Variants in ZRANB3 observed in about 807,000 individuals in gnomAD.
The protein encoded by ZRANB3 is zinc finger RANBP2-type containing 3.
In ZRANB3, 125 loss-of-function variants were observed where a neutral mutation model predicts 133.8. The ratio of observed to expected loss-of-function variants is 0.93; its 90% confidence interval spans 0.81 to 1.08. ZRANB3 has a LOEUF of 1.08. Among genes scored for constraint, ZRANB3 ranks in the 50% least tolerant of loss-of-function variants. ZRANB3 has a pLI of 0.00. For synonymous variants in ZRANB3, 387 were observed against 432.7 expected, an observed-to-expected ratio of 0.89 and a Z score of 1.31; for missense variants, 1,229 against 1,275.5, an observed-to-expected ratio of 0.96 and a Z score of 0.56.
chr2:135,485,434 T>C (rs775567628), intron 2 of ZRANB3, among the ~76,000 whole-genome samples: 1 of 152,214 alleles, frequency 6.6e-6, no homozygotes, highest in Non-Finnish European at 1.5e-5. Context: ...TAGCCATCTT[T>C]CTTTTGATTC....
chr2:135,312,173 TTTTATTTTATTTTATTTTTA>T (rs1683022416), intron 8 of ZRANB3, among the ~76,000 whole-genome samples: 1 of 142,810 alleles, frequency 7.0e-6, no homozygotes, highest in East Asian at 2.0e-4. Flanking sequence ...TTTTATTTTA[TTTTATTTTATTTTATTTTTA>T]TTTTATTTTA....
chr2:135,475,116 T>G (rs1684369029), intron 2 of ZRANB3, among the ~76,000 whole-genome samples: 1 of 152,246 alleles, frequency 6.6e-6, no homozygotes. Context: ...TGTTGATGCC[T>G]AACAATGGGA....
chr2:135,451,577 CAAAAAAAA>C (rs141448099), intron 2 of ZRANB3, among the ~76,000 whole-genome samples: 1 of 143,814 alleles, frequency 7.0e-6, no homozygotes, highest in Admixed American at 6.9e-5. Context: ...AACAAAAAAA[CAAAAAAAA>C]AACAAACCAC....
intron 8 of ZRANB3, among the ~76,000 whole-genome samples, chr2:135,284,592 C>G (rs890476909): frequency 6.6e-6 from 1 of 152,196 alleles, no homozygotes; most frequent in Non-Finnish European, 1.5e-5. Flanking sequence ...CTGCCTCAGC[C>G]TCCTGAGTAG....
chr2:135,313,653 G>C (rs1382372139), intron 7 of ZRANB3, 48 bp from the exon 8 acceptor site: 1 of 1,227,548 alleles, frequency 8.1e-7, no homozygotes, highest in African/African-American at 1.5e-5. Context: ...ATAACGAACA[G>C]AACAAATTAA....
In ZRANB3 at chr2:135,353,555, A is replaced by G; in HGVS notation, c.254T>C (p.Val85Ala). 1 of 1,610,584 alleles carries G rather than the reference A, an allele frequency of 6.2e-7. No individual in the cohort carries two copies. The highest frequency in any genetic ancestry group is 8.5e-7 in the Non-Finnish European group (1 of 1,177,746). ...AGGGTACCTCAGAGACGAAGGGACC[A>G]CTATTAACAGAGGCCATTCCTCTTT... ...FYKEEWPLLI[V>A]VPSSLRYPWT... The change falls in exon 4 of 21, where the codon GTG becomes GCG. Residue 85 changes from valine (V) to alanine (A), a missense_variant. By Grantham distance (64) the Val-to-Ala change is moderately conservative. Transcript: ENST00000264159.
chr2:135,473,557 A>T (rs1654783392), intron 2 of ZRANB3, among the ~76,000 whole-genome samples: 1 of 152,186 alleles, frequency 6.6e-6, no homozygotes, highest in African/African-American at 2.4e-5. Flanking sequence ...AAAAAAAAAA[A>T]AAGATGGAAA....
At chr2:135,408,524 A>G (rs1688150324) in intron 2 of ZRANB3, among the ~76,000 whole-genome samples, 2 of 152,210 alleles carry the variant, frequency 1.3e-5, no homozygotes, top group Admixed American at 6.5e-5. Context: ...ACACATGCAC[A>G]CGTATGTTTA....
intron 2 of ZRANB3, among the ~76,000 whole-genome samples, chr2:135,412,601 G>C (rs2104956185): frequency 6.6e-6 from 1 of 152,132 alleles, no homozygotes; most frequent in Non-Finnish European, 1.5e-5. Context: ...TTGATCTGCA[G>C]TTTTATGAAT....
chr2:135,507,945 G>GAAAGA (rs370365315), intron 1 of ZRANB3, among the ~76,000 whole-genome samples: 1,660 of 128,450 alleles, frequency 0.013, 16 homozygotes, highest in Middle Eastern at 0.047. Flanking sequence ...ATCAAGAAAA[G>GAAAGA]AAAGAAAAGA....
At chr2:135,510,481 G>A (rs1168060195) in intron 1 of ZRANB3, 15 of 538,400 alleles carry the variant, frequency 2.8e-5, no homozygotes, top group Non-Finnish European at 4.8e-5. Context: ...CCAAAGGCTG[G>A]TCAAAGAAAT....
At position 135,279,062 on chromosome 2, in the gene ZRANB3, GA is replaced by G. The variant is rs559923515; in HGVS notation, c.967-3308del. On this transcript the variant is annotated intron_variant, in intron 8 of 20. Transcript: ENST00000264159. ...AAAGCAGCAATATAAGTATGGTGTT[GA>G]GGGATTTGAAGTAAATACTAAAAAA... Among the ~76,000 whole-genome samples the G allele has an allele frequency of 1.3e-3, 205 of 152,154 alleles. 1 individual carries two copies. The highest frequency in any genetic ancestry group is 4.7e-3 in the African/African-American group (197 of 41,528).
At chr2:135,419,392 A>ATGTG (rs576960303) in intron 2 of ZRANB3, among the ~76,000 whole-genome samples, 27 of 150,170 alleles carry the variant, frequency 1.8e-4, no homozygotes, top group African/African-American at 6.6e-4. Context: ...GTGTGTGTTT[A>ATGTG]TGTGTGTGTG....
At chr2:135,373,788 A>G (rs1686288848) in intron 3 of ZRANB3, among the ~76,000 whole-genome samples, 1 of 28,414 alleles carries the variant, frequency 3.5e-5, no homozygotes, top group Admixed American at 5.1e-4. Flanking sequence ...CAAAAAAAAG[A>G]AAAGAAAAGA....
chr2:135,423,435 A>T (rs1688945553), intron 2 of ZRANB3, among the ~76,000 whole-genome samples: 1 of 152,016 alleles, frequency 6.6e-6, no homozygotes, highest in Non-Finnish European at 1.5e-5. Context: ...GTCTCAAAAA[A>T]ATAAAAAATA....
chr2:135,375,944 G>C (rs922856073), intron 3 of ZRANB3, among the ~76,000 whole-genome samples: 1 of 152,102 alleles, frequency 6.6e-6, no homozygotes, highest in Non-Finnish European at 1.5e-5. Context: ...CTAACCTCTA[G>C]TATTTCAGGA....
intron 12 of ZRANB3, among the ~76,000 whole-genome samples, chr2:135,235,984 G>C (rs1573730472): frequency 6.6e-6 from 1 of 152,308 alleles, no homozygotes; most frequent in East Asian, 1.9e-4. Flanking sequence ...ATTAGGAAAA[G>C]AGGAAGTCAA....
At chr2:135,505,332 C>G (rs1574220313) in intron 1 of ZRANB3, among the ~76,000 whole-genome samples, 1 of 152,050 alleles carries the variant, frequency 6.6e-6, no homozygotes, top group African/African-American at 2.4e-5. Context: ...TCCTAGCACT[C>G]TGGGAGGCCG....
chr2:135,203,705 T>C (rs920504560), intron 19 of ZRANB3, among the ~76,000 whole-genome samples: 3 of 151,454 alleles, frequency 2.0e-5, no homozygotes, highest in Non-Finnish European at 4.4e-5. Flanking sequence ...TTTGTCACTA[T>C]ACAATGGCAG....
Sources: allele counts gnomAD v4.1 joint callset (sites outside exome capture counted in the v4.1 genomes callset), GRCh38; gene constraint gnomAD v4.1.1; transcripts MANE v1.5; gene names NCBI Gene and HGNC (gene_info 2026-07-23, HGNC 2026-07-21).